Variants in MYRIP observed in about 807,000 individuals in gnomAD.
MYRIP encodes myosin VIIA and Rab interacting protein, also known as rab effector MyRIP.
Under a neutral mutation model 98.0 loss-of-function variants are expected in MYRIP, and 49 were observed. The observed-to-expected ratio is 0.50, with a 90% CI of 0.40 to 0.63. The LOEUF (loss-of-function observed/expected upper bound fraction) is 0.63. MYRIP is among the 30% of genes least tolerant of loss of function. The pLI is 0.00. For synonymous variants in MYRIP, 404 were observed against 409.5 expected (o/e 0.99, Z 0.16); for missense variants, 1,004 against 1,058.2 (o/e 0.95, Z 0.71).
At chr3:39,914,586 A>G (rs539182017) in intron 2 of MYRIP, among the ~76,000 whole-genome samples, 2 of 152,220 alleles carry the variant, frequency 1.3e-5, no homozygotes, top group South Asian at 4.1e-4. Flanking sequence ...TTCTAATATC[A>G]GTGACCTAAA....
At chr3:39,931,725 G>A (rs767719688) in intron 2 of MYRIP, among the ~76,000 whole-genome samples, 23 of 151,960 alleles carry the variant, frequency 1.5e-4, no homozygotes, top group Non-Finnish European at 3.4e-4. Flanking sequence ...AAAGGGTGTT[G>A]GATTTTGTCA....
At chr3:40,116,916 C>T (rs1010367655) in intron 3 of MYRIP, among the ~76,000 whole-genome samples, 2 of 152,128 alleles carry the variant, frequency 1.3e-5, no homozygotes, top group African/African-American at 4.8e-5. Flanking sequence ...ATTTTTCAAG[C>T]AGTTTCCCTT....
chr3:40,236,900 A>G (rs567424334), intron 12 of MYRIP, among the ~76,000 whole-genome samples: 49 of 152,264 alleles, frequency 3.2e-4, no homozygotes, highest in African/African-American at 1.1e-3. Flanking sequence ...ACTGGTATCA[A>G]ACTCCTGGCC....
At chr3:40,009,186 G>A (rs569187665) in intron 2 of MYRIP, among the ~76,000 whole-genome samples, 19 of 152,054 alleles carry the variant, frequency 1.2e-4, no homozygotes, top group Non-Finnish European at 2.2e-4. Context: ...CATTGCTGGC[G>A]CCCTCTCCTA....
chr3:40,244,592 C>G lies in MYRIP; in HGVS notation c.2247C>G (p.His749Gln). Reference protein sequence around the residue: ...DQVATAAAQVHHAELQISDIE... With the variant: ...DQVATAAAQVQHAELQISDIE... ...TGGCCACGGCTGCAGCCCAAGTCCA[C>G]CATGCTGAACTCCAGGTGAGAACTC... Residue 749 changes from histidine (H) to glutamine (Q), a missense_variant, in exon 13 of 17, where the codon CAC becomes CAG. His to Gln is a conservative substitution (Grantham distance 24, BLOSUM62 0). Around this residue, in one of 3 missense-constraint regions of MYRIP, gnomAD observed 16 missense variants for 39.5 expected, o/e 0.41. Transcript: ENST00000302541. 6.2e-7 allele frequency: 1 copy of G among 1,612,776 alleles called. No individual in the cohort carries two copies. The highest frequency in any genetic ancestry group is 8.5e-7 in the Non-Finnish European group (1 of 1,179,376).
intron 11 of MYRIP, among the ~76,000 whole-genome samples, chr3:40,218,302 G>GA (rs892749246): frequency 1.2e-4 from 18 of 151,888 alleles, no homozygotes; most frequent in Admixed American, 3.9e-4. Context: ...TATGCTGCGG[G>GA]AAAAAAGACT....
intron 2 of MYRIP, among the ~76,000 whole-genome samples, chr3:40,012,815 C>G (rs985419978): frequency 3.3e-5 from 5 of 152,198 alleles, no homozygotes; most frequent in Non-Finnish European, 4.4e-5. Flanking sequence ...TGAATTACCC[C>G]ACTGACTTCC....
At chr3:40,256,496 A>G (rs1953594927) in intron 16 of MYRIP, among the ~76,000 whole-genome samples, 1 of 152,172 alleles carries the variant, frequency 6.6e-6, no homozygotes, top group Admixed American at 6.5e-5. Flanking sequence ...GAAATTATAG[A>G]AATGATCTCT....
rs148087036 is a variant in MYRIP, at chr3:40,120,542, G to T, written c.333-30506G>T. Among the ~76,000 whole-genome samples, 300 of 152,272 alleles carry T rather than the reference G, an allele frequency of 2.0e-3. 4 individuals carry two copies. Among genetic ancestry groups the T allele is most frequent in the African/African-American group, 7.0e-3 (289 of 41,544 alleles). ...TGGAAATTTGGCTGGAGGAAGCTGG[G>T]ATCACTTATATTCTGAGGATGATGG... On this transcript the variant is annotated intron_variant, in intron 3 of 16. Coordinates refer to ENST00000302541, the MANE Select transcript of MYRIP (RefSeq NM_015460.4).
chr3:40,156,877 G>T (rs1284561743), intron 4 of MYRIP, among the ~76,000 whole-genome samples: 2 of 151,564 alleles, frequency 1.3e-5, no homozygotes, highest in African/African-American at 2.4e-5. Flanking sequence ...TTGCTTATCA[G>T]CTTAAGGAGA....
At chr3:40,055,182 A>G (rs1352544180) in intron 3 of MYRIP, among the ~76,000 whole-genome samples, 1 of 152,208 alleles carries the variant, frequency 6.6e-6, no homozygotes, top group Non-Finnish European at 1.5e-5. Flanking sequence ...CCTTTTTATC[A>G]TATAATCAAT....
intron 2 of MYRIP, among the ~76,000 whole-genome samples, chr3:39,977,821 T>A (rs1945793467): frequency 6.6e-6 from 1 of 152,170 alleles, no homozygotes; most frequent in African/African-American, 2.4e-5. Flanking sequence ...TAAAAATATT[T>A]CTCTGCTTTT....
chr3:40,238,353 G>A (rs1171329347), intron 12 of MYRIP, among the ~76,000 whole-genome samples: 1 of 152,244 alleles, frequency 6.6e-6, no homozygotes, highest in Non-Finnish European at 1.5e-5. Flanking sequence ...AGCAGTGGGA[G>A]AAGCCAGGGC....
chr3:39,881,916 G>A lies in MYRIP; in HGVS notation c.-30-18871G>A, dbSNP rs181119076. On this transcript the variant is annotated intron_variant, in intron 1 of 16. Coordinates refer to ENST00000302541, the MANE Select transcript of MYRIP (RefSeq NM_015460.4). ...TCTTGTCTTTTTTTCTCGTTTCTTC[G>A]TCCCTGAGCATTTTTTTAAATGACT... Among the ~76,000 whole-genome samples the A allele has an allele frequency of 2.4e-3, 363 of 150,060 alleles. 3 individuals carry two copies. The highest frequency in any genetic ancestry group is 3.5e-3 in the Admixed American group (53 of 15,046).
At chr3:40,250,365 T>C (rs769995422) in intron 14 of MYRIP, 39 bp downstream of exon 14, 1 of 1,613,198 alleles carries the variant, frequency 6.2e-7, no homozygotes, top group South Asian at 1.1e-5. Flanking sequence ...GAATGTTACA[T>C]GGCTTGGAAA....
chr3:40,242,466 A>G (rs1255559741), intron 12 of MYRIP: 1 of 148,614 alleles, frequency 6.7e-6, no homozygotes, highest in African/African-American at 2.5e-5. Context: ...GAGGGCTTGG[A>G]GCTTTTTCAT....
chr3:39,932,275 A>G (rs1256428561), intron 2 of MYRIP, among the ~76,000 whole-genome samples: 1 of 152,204 alleles, frequency 6.6e-6, no homozygotes, highest in Non-Finnish European at 1.5e-5. Context: ...TAATGTTTAA[A>G]GCGACATCAT....
At chr3:39,957,117 C>T (rs1945186231) in intron 2 of MYRIP, among the ~76,000 whole-genome samples, 2 of 151,708 alleles carry the variant, frequency 1.3e-5, no homozygotes, top group African/African-American at 4.9e-5. Context: ...GAAGCTGGTA[C>T]CATTCCTTCT....
intron 2 of MYRIP, among the ~76,000 whole-genome samples, chr3:39,913,842 T>C (rs1347178733): frequency 6.6e-6 from 1 of 152,198 alleles, no homozygotes; most frequent in African/African-American, 2.4e-5. Context: ...ACTGAAGAAA[T>C]AGTGATGGGC....
Sources: allele counts gnomAD v4.1 joint callset (sites outside exome capture counted in the v4.1 genomes callset), GRCh38; gene constraint gnomAD v4.1.1; regional missense constraint gnomAD v4.1.1; transcripts MANE v1.5; gene names NCBI Gene and HGNC (gene_info 2026-07-23, HGNC 2026-07-21).